CAMTA1: variants seen among roughly 807,000 people sequenced by gnomAD.
CAMTA1 encodes calmodulin-binding transcription activator 1.
In CAMTA1, 27 loss-of-function variants were observed where a neutral mutation model predicts 170.9. That is an observed-to-expected ratio of 0.16 (90% CI 0.12 to 0.22). CAMTA1 has a LOEUF of 0.22. Ranked by LOEUF, CAMTA1 falls within the 10% of genes least tolerant of loss-of-function variation. The pLI is 1.00. For missense variants in CAMTA1, 1,619 were observed against 2,217.2 expected (o/e 0.73, Z 5.42); for synonymous variants, 833 against 891.5 (o/e 0.93, Z 1.17).
At chr1:7,741,227 C>T (rs1352497267) in intron 16 of CAMTA1, among the ~76,000 whole-genome samples, 1 of 152,004 alleles carries the variant, frequency 6.6e-6, no homozygotes, top group Non-Finnish European at 1.5e-5. Flanking sequence ...TTGTTCCACT[C>T]GTGATATAGA....
intron 11 of CAMTA1, among the ~76,000 whole-genome samples, chr1:7,695,255 G>A (rs2096363229): frequency 6.6e-6 from 1 of 152,144 alleles, no homozygotes; most frequent in Non-Finnish European, 1.5e-5. Flanking sequence ...CATTCATCAT[G>A]AGTCTTTACA....
intron 7 of CAMTA1, among the ~76,000 whole-genome samples, chr1:7,658,810 C>A (rs920610538): frequency 6.6e-6 from 1 of 152,186 alleles, no homozygotes; most frequent in South Asian, 2.1e-4. Flanking sequence ...GCCCCTGACC[C>A]GGGCCTTCCC....
At chr1:6,916,235 C>T (rs1353789907) in intron 3 of CAMTA1, among the ~76,000 whole-genome samples, 1 of 152,116 alleles carries the variant, frequency 6.6e-6, no homozygotes, top group Non-Finnish European at 1.5e-5. Context: ...TTCAGCTCCA[C>T]CACCTGTCAG....
intron 11 of CAMTA1, among the ~76,000 whole-genome samples, chr1:7,722,560 C>T (rs2096656637): frequency 6.6e-6 from 1 of 152,096 alleles, no homozygotes; most frequent in African/African-American, 2.4e-5. Context: ...TCTATTTATA[C>T]TTATGCTTTC....
rs572104307 is a variant in CAMTA1, at chr1:7,643,312, A to T, written c.664+2759A>T. ...GGCCCCATCCATATGGCCGGGGAGC[A>T]GCCCCAATCCCCTGGGCCCCAGCAA... On this transcript the variant is annotated intron_variant, in intron 7 of 22. Transcript: ENST00000303635. 2.0e-3 allele frequency among the ~76,000 whole-genome samples: 306 copies of T among 152,320 alleles called. 1 individual carries two copies. Among genetic ancestry groups the T allele is most frequent in the African/African-American group, 7.2e-3 (299 of 41,570 alleles).
Position 7,585,781 on chromosome 1 carries a change from C to A in CAMTA1, c.511-54619C>A, listed in dbSNP as rs117016959. Reference sequence around the variant, plus strand: ...CTTGTGGACAGACAGGCCAGAGACACGGCTCATCTGTCCCTCATCCACCTC... The same window carrying A: ...CTTGTGGACAGACAGGCCAGAGACAAGGCTCATCTGTCCCTCATCCACCTC... On this transcript the variant is annotated intron_variant, in intron 6 of 22. Coordinates refer to ENST00000303635, the MANE Select transcript of CAMTA1 (RefSeq NM_015215.4). The surrounding 1 kb of genome is among the most constrained non-coding windows in gnomAD (Gnocchi z 4.8). 1.3e-5 allele frequency among the ~76,000 whole-genome samples: 2 copies of A among 151,004 alleles called. No homozygotes were observed. The highest frequency in any genetic ancestry group is 1.3e-4 in the Admixed American group (2 of 15,248).
At chr1:7,593,631 G>C (rs561697350) in intron 6 of CAMTA1, among the ~76,000 whole-genome samples, 1 of 151,318 alleles carries the variant, frequency 6.6e-6, no homozygotes, top group Non-Finnish European at 1.5e-5. Context: ...CTGGGACTAC[G>C]AGCATGCACT....
intron 3 of CAMTA1, among the ~76,000 whole-genome samples, chr1:6,949,271 CAG>C (rs1295937908): frequency 2.0e-5 from 3 of 152,198 alleles, no homozygotes; most frequent in Non-Finnish European, 4.4e-5. Flanking sequence ...GTTGGAATTT[CAG>C]AGTTTCTAGC....
chr1:7,679,010 C>A (rs546632005), intron 11 of CAMTA1, among the ~76,000 whole-genome samples: 1 of 152,340 alleles, frequency 6.6e-6, no homozygotes, highest in East Asian at 1.9e-4. Context: ...GGTGAACCCT[C>A]AGGAGACAAT....
intron 9 of CAMTA1, among the ~76,000 whole-genome samples, chr1:7,666,790 G>T (rs988544431): frequency 2.6e-5 from 4 of 152,200 alleles, no homozygotes; most frequent in African/African-American, 9.6e-5. Context: ...TCCCATCCCC[G>T]ATAGGAAGAG....
At chr1:6,883,582 T>C (rs1344024231) in intron 3 of CAMTA1, among the ~76,000 whole-genome samples, 3 of 151,960 alleles carry the variant, frequency 2.0e-5, no homozygotes, top group African/African-American at 7.3e-5. Flanking sequence ...GACCATGTGG[T>C]CTAAGCCAGG....
chr1:7,467,779 T>G, intron 5 of CAMTA1, 51 bp from the exon 6 acceptor site: 1 of 1,474,478 alleles, frequency 6.8e-7, no homozygotes, highest in Non-Finnish European at 9.5e-7. Flanking sequence ...TCTTCCTTCC[T>G]TCCTTCCTTC....
intron 5 of CAMTA1, among the ~76,000 whole-genome samples, chr1:7,412,585 C>T (rs1252337597): frequency 8.6e-5 from 13 of 150,594 alleles, no homozygotes; most frequent in Admixed American, 2.7e-4. Context: ...TCATATCCTT[C>T]GCCCACTTTT....
chr1:7,432,435 G>A (rs2092203494), intron 5 of CAMTA1, among the ~76,000 whole-genome samples: 1 of 152,254 alleles, frequency 6.6e-6, no homozygotes, highest in African/African-American at 2.4e-5. Flanking sequence ...CTGAGGGAAT[G>A]GGAGGAGCAT....
At chr1:7,467,360 C>T (rs1379142627) in intron 5 of CAMTA1, among the ~76,000 whole-genome samples, 5 of 152,178 alleles carry the variant, frequency 3.3e-5, no homozygotes, top group East Asian at 3.9e-4. Flanking sequence ...TGGTTGGGCT[C>T]GTACCGGCCA....
chr1:7,060,240 C>T (rs955437201), intron 3 of CAMTA1, among the ~76,000 whole-genome samples: 1 of 152,228 alleles, frequency 6.6e-6, no homozygotes, highest in Non-Finnish European at 1.5e-5. Context: ...GAAGTCTAAG[C>T]TCAAGACATC....
chr1:6,884,291 GACACAC>G (rs112571156), intron 3 of CAMTA1, among the ~76,000 whole-genome samples: 4,422 of 136,630 alleles, frequency 0.032, 99 homozygotes, highest in African/African-American at 0.057. Flanking sequence ...ATTCTCTAGA[GACACAC>G]ACACACACAC....
chr1:7,417,352 T>C (rs2091256209), intron 5 of CAMTA1, among the ~76,000 whole-genome samples: 1 of 152,256 alleles, frequency 6.6e-6, no homozygotes. Context: ...ATCTTTTTGT[T>C]TGTCTGTGCC....
intron 3 of CAMTA1, among the ~76,000 whole-genome samples, chr1:7,016,124 G>A (rs4287204): frequency 0.27 from 41,652 of 151,944 alleles, 5,812 homozygotes; most frequent in African/African-American, 0.31. Context: ...CTAACCCCCC[G>A]AAATCACTCA....
Sources: gnomAD v4.1 joint callset for allele counts (sites outside exome capture counted in the v4.1 genomes callset) on GRCh38, gnomAD v4.1.1 for gene constraint, Gnocchi (gnomAD v3.1) non-coding constraint, MANE v1.5 for transcripts, NCBI Gene and HGNC (gene_info 2026-07-23, HGNC 2026-07-21) for gene names.